Variants in UNC45B observed in about 807,000 individuals in gnomAD.
UNC45B encodes unc-45 myosin chaperone B, also known as protein unc-45 homolog B.
UNC45B carries 78 observed loss-of-function variants against 98.7 expected under a neutral mutation model. The observed-to-expected ratio is 0.79, with a 90% CI of 0.66 to 0.95. UNC45B has a LOEUF of 0.95. Among genes scored for constraint, UNC45B ranks in the 40% least tolerant of loss-of-function variants. The pLI is 0.00. For synonymous variants in UNC45B, 462 were observed against 480.4 expected (o/e 0.96, Z 0.50); for missense variants, 1,225 against 1,184.9 (o/e 1.03, Z -0.50).
chr17:35,148,811 A>G (rs1475424539), intron 2 of UNC45B, among the ~76,000 whole-genome samples, 162 bp from the exon 3 acceptor site: 1 of 152,068 alleles, frequency 6.6e-6, no homozygotes, highest in Non-Finnish European at 1.5e-5. Context: ...CCTGATGTCA[A>G]AGCCTGTCCT....
In UNC45B at chr17:35,154,739, A is replaced by G. The variant is rs757039076; in HGVS notation, c.637A>G (p.Arg213Gly). 6.3e-7 allele frequency: 1 copy of G among 1,581,896 alleles called. No homozygotes were observed. The highest frequency in any genetic ancestry group is 1.2e-5 in the South Asian group (1 of 86,932). The change falls in exon 6 of 20, where the codon AGA becomes GGA. Residue 213 changes from arginine (R) to glycine (G), a missense_variant and splice_region_variant. Transcript: ENST00000394570. ...GGGCATGTGCAGCGGCCACCAAGCC[A>G]GAGTAAGTGCCCGGCTGTGGGGCAT... ...LSGMCSGHQA[R>G]ATVILHAVRI...
Position 35,174,244 on chromosome 17 carries a change from C to A in UNC45B, c.1833C>A (p.Asp611Glu). 1 of 1,614,182 alleles carries A rather than the reference C, an allele frequency of 6.2e-7. No individual in the cohort carries two copies. Among genetic ancestry groups the A allele is most frequent in the Non-Finnish European group, 8.5e-7 (1 of 1,180,018 alleles). The change falls in exon 14 of 20, where the codon GAC becomes GAA. Residue 611 changes from aspartate to glutamate, a missense_variant and splice_region_variant. Physicochemically the swap from Asp to Glu is conservative, Grantham distance 45. Coordinates refer to ENST00000394570, the MANE Select transcript of UNC45B (RefSeq NM_001267052.2). Reference protein sequence around the residue: ...KQHVPEEHPKDKKDFIDMRVK... With the variant: ...KQHVPEEHPKEKKDFIDMRVK... ...TTGCCATCTTTTCATCTCCTCAGGA[C>A]AAGAAGGACTTTATAGACATGCGGG...
chr17:35,150,322 C>A, intron 4 of UNC45B, 99 bp downstream of exon 4: 1 of 1,327,304 alleles, frequency 7.5e-7, no homozygotes, highest in Non-Finnish European at 1.0e-6. Flanking sequence ...GCAGGGCTAG[C>A]CCTACCTCCA....
In UNC45B at chr17:35,183,422, C is replaced by T. The variant is rs2092285145; in HGVS notation, c.2374-5C>T. ...TTCTCTGAGCCATGTTCCTGCCTCC[C>T]ACAGGTACAGGAAAGGTTCTTGGCT... is the stretch of plus-strand genomic sequence containing the variant. On this transcript the variant is annotated splice_region_variant and splice_polypyrimidine_tract_variant and intron_variant, in intron 18 of 19. Coordinates refer to ENST00000394570, the MANE Select transcript of UNC45B (RefSeq NM_001267052.2). 6.5e-7 allele frequency: 1 copy of T among 1,547,726 alleles called. No individual in the cohort carries two copies. Among genetic ancestry groups the T allele is most frequent in the African/African-American group, 1.4e-5 (1 of 72,642 alleles).
At chr17:35,174,043 C>A (rs2092208863) in intron 13 of UNC45B, among the ~76,000 whole-genome samples, 199 bp from the exon 14 acceptor site, 1 of 151,924 alleles carries the variant, frequency 6.6e-6, no homozygotes, top group Non-Finnish European at 1.5e-5. Context: ...GATCTCCTAA[C>A]CTCGTGGTCC....
chr17:35,169,168 T>C (rs1181040713), intron 10 of UNC45B, among the ~76,000 whole-genome samples: 1 of 151,992 alleles, frequency 6.6e-6, no homozygotes, highest in Non-Finnish European at 1.5e-5. Flanking sequence ...GCCTCCCAAG[T>C]AGCTGGGATT....
rs560671500 is a variant in UNC45B at position 35,188,957 on chromosome 17, A to G, written c.*2398A>G. Reference sequence around the variant, plus strand: ...TGCAGATTTCTTTTTTTTTTCATCTATGCTTTCAAATAGGCAGATGCTAGC... The same window carrying G: ...TGCAGATTTCTTTTTTTTTTCATCTGTGCTTTCAAATAGGCAGATGCTAGC... On this transcript the variant is annotated 3_prime_UTR_variant, in exon 20 of 20. Transcript: ENST00000394570. The G allele has an allele frequency of 6.6e-6, 1 of 151,376 alleles. No homozygotes were observed. Among genetic ancestry groups the G allele is most frequent in the East Asian group, 1.9e-4 (1 of 5,146 alleles). The allele number at this position is 151,376 out of a possible 1,614,324, so 9.4% of individuals were successfully genotyped here. A position where few individuals can be genotyped will look rare whatever the true frequency, so the allele number is the denominator to read the frequency against.
rs2092174184 is a variant in UNC45B at position 35,170,227 on chromosome 17, C to A, written c.1661C>A (p.Ala554Asp). The A allele has an allele frequency of 1.2e-6, 2 of 1,612,354 alleles. No individual in the cohort carries two copies. Among genetic ancestry groups the A allele is most frequent in the Non-Finnish European group, 1.7e-6 (2 of 1,178,780 alleles). ...GACGACTTTGTCCAGGACGTCCCTG[C>A]CCTGCAGGCCATGTTTGAGCTGGCC... ...VKDDFVQDVP[A>D]LQAMFELAKT... Residue 554 changes from alanine (A) to aspartate (D), a missense_variant, in exon 12 of 20, where the codon GCC becomes GAC. By Grantham distance (126) the Ala-to-Asp change is moderately radical (BLOSUM62 -2). Coordinates refer to ENST00000394570, the MANE Select transcript of UNC45B (RefSeq NM_001267052.2).
rs78448606 is a variant in UNC45B at position 35,153,734 on chromosome 17, C to T, written c.471+752C>T. On this transcript the variant is annotated intron_variant, in intron 5 of 19. Coordinates refer to ENST00000394570, the MANE Select transcript of UNC45B (RefSeq NM_001267052.2). ...TGGTTTTTTTTTTTTTGGAAAAGTA[C>T]AAAGCCCTTAGTTGATAGTGATGGT... Among the ~76,000 whole-genome samples, 550 of 144,380 alleles carry T rather than the reference C, an allele frequency of 3.8e-3. 23 individuals are homozygous for T. The South Asian group carries it at 0.062, about 16-fold the overall frequency. 94.7% of individuals were successfully genotyped at this position (144,380 alleles called of 152,430 possible).
At chr17:35,149,510 G>A (rs775121258) in intron 3 of UNC45B, among the ~76,000 whole-genome samples, 2 of 152,198 alleles carry the variant, frequency 1.3e-5, no homozygotes, top group Admixed American at 6.5e-5. Flanking sequence ...TCTGCCTCCC[G>A]GATTCAAGCA....
At chr17:35,184,774 C>T (rs1341827570) in intron 19 of UNC45B, among the ~76,000 whole-genome samples, 1 of 152,164 alleles carries the variant, frequency 6.6e-6, no homozygotes, top group Non-Finnish European at 1.5e-5. Flanking sequence ...GTCGGTCTTC[C>T]TTGCGGGGCT....
At chr17:35,165,707 G>A (rs1053915743) in intron 9 of UNC45B, among the ~76,000 whole-genome samples, 19 of 152,190 alleles carry the variant, frequency 1.2e-4, no homozygotes, top group African/African-American at 4.3e-4. Flanking sequence ...GGATGCCGAG[G>A]AGCGCGGATC....
chr17:35,150,139 C>T lies in UNC45B; in HGVS notation c.297C>T (p.Asp99=), dbSNP rs770156177. The change falls in exon 4 of 20, where the codon GAC becomes GAT. Residue 99 remains aspartate (D), a synonymous_variant. Coordinates refer to ENST00000394570, the MANE Select transcript of UNC45B (RefSeq NM_001267052.2). ...HLGKLDQAFK[D]VQRCATLEPR... is the part of the protein sequence containing the mutation. Reference sequence around the variant, plus strand: ...GGAAGCTGGACCAGGCCTTCAAAGACGTGCAGCGTTGTGCCACCCTCGAGC... The same window carrying T: ...GGAAGCTGGACCAGGCCTTCAAAGATGTGCAGCGTTGTGCCACCCTCGAGC... The T allele has an allele frequency of 3.7e-5, 60 of 1,613,722 alleles. No homozygotes were observed. The Middle Eastern group carries it at 4.9e-4, about 13-fold the overall frequency.
intron 6 of UNC45B, among the ~76,000 whole-genome samples, chr17:35,155,033 G>T (rs1205094484): frequency 6.6e-6 from 1 of 152,204 alleles, no homozygotes; most frequent in African/African-American, 2.4e-5. Flanking sequence ...TCTCCATATG[G>T]TCCTGCCACC....
In UNC45B at chr17:35,155,469, G is replaced by GA. The variant is rs746015991; in HGVS notation, c.808+8dup. ...AGGAGGAGGCCCTGGTTCTAGGTAG[G>GA]AAACATTCTTCAGTTTTGATTCAAG... is the stretch of plus-strand genomic sequence containing the variant. On this transcript the variant is annotated splice_donor_region_variant and intron_variant, in intron 7 of 19. Transcript: ENST00000394570. 174 of 1,613,566 alleles carry GA rather than the reference G, an allele frequency of 1.1e-4. No homozygotes were observed. In the African/African-American group the frequency reaches 2.1e-3, roughly 19 times the overall value.
At chr17:35,166,052 A>G (rs79900800) in intron 9 of UNC45B, among the ~76,000 whole-genome samples, 12,325 of 139,008 alleles carry the variant, frequency 0.089, 690 homozygotes, top group East Asian at 0.21. Flanking sequence ...GGAGTTTGAG[A>G]CCAACCCAGG....
chr17:35,154,597 AG>A lies in UNC45B; in HGVS notation c.497del (p.Gly166AlafsTer16). 1 of 1,613,544 alleles carries A rather than the reference AG, an allele frequency of 6.2e-7. No individual in the cohort carries two copies. Among genetic ancestry groups the A allele is most frequent in the Non-Finnish European group, 8.5e-7 (1 of 1,179,834 alleles). Reference sequence around the variant, plus strand: ...AGGCTGCCAACAATCTCATTGTCCTAGGCCGTGAGGAAGCAGGGGCTGAGAA... The same window carrying A: ...AGGCTGCCAACAATCTCATTGTCCTAGCCGTGAGGAAGCAGGGGCTGAGAA... ...EKAANNLIVL[G>X]REEAGAEKIF... On this transcript the variant is annotated frameshift_variant, in exon 6 of 20. Coordinates refer to ENST00000394570, the MANE Select transcript of UNC45B (RefSeq NM_001267052.2). LOFTEE classifies it high-confidence loss of function.
At chr17:35,152,460 CAG>C (rs1423293452) in intron 4 of UNC45B, among the ~76,000 whole-genome samples, 3 of 152,150 alleles carry the variant, frequency 2.0e-5, no homozygotes, top group Non-Finnish European at 4.4e-5. Flanking sequence ...TTGCTTGAAA[CAG>C]AGCTTGAAAG....
chr17:35,186,499 G>A lies in UNC45B; in HGVS notation c.2730G>A (p.Gln910=), dbSNP rs2092305293. 4 of 1,614,104 alleles carry A rather than the reference G, an allele frequency of 2.5e-6. No individual in the cohort carries two copies. In the Admixed American group the frequency reaches 6.7e-5, roughly 27 times the overall value. The change falls in exon 20 of 20, where the codon CAG becomes CAA. Residue 910 remains glutamine (Q), a synonymous_variant. Coordinates refer to ENST00000394570, the MANE Select transcript of UNC45B (RefSeq NM_001267052.2). Reference sequence around the variant, plus strand: ...ATGAGAAGAAGGCAGAAGTGGTTCAGACAGCCCGAGAATGTCTCATCAAGT... The same window carrying A: ...ATGAGAAGAAGGCAGAAGTGGTTCAAACAGCCCGAGAATGTCTCATCAAGT... ...EPDEKKAEVV[Q]TARECLIKCM... is the part of the protein sequence containing the mutation.
Sources: allele counts gnomAD v4.1 joint callset (sites outside exome capture counted in the v4.1 genomes callset), GRCh38; gene constraint gnomAD v4.1.1; transcripts MANE v1.5; gene names NCBI Gene and HGNC (gene_info 2026-07-23, HGNC 2026-07-21).